Variants in KCNA10 observed in about 807,000 individuals in gnomAD.
KCNA10 encodes the protein cyclic GMP gated potassium channel.
In KCNA10, 16 loss-of-function variants were observed where a neutral mutation model predicts 21.4. That is an observed-to-expected ratio of 0.75 (90% CI 0.51 to 1.14). The LOEUF (loss-of-function observed/expected upper bound fraction) is 1.14. Among genes scored for constraint, KCNA10 ranks in the 50% most tolerant of loss-of-function variants. The pLI is 0.00. For synonymous variants in KCNA10, 276 were observed against 245.9 expected (o/e 1.12, Z -1.15); for missense variants, 677 against 649.1 (o/e 1.04, Z -0.47).
chr1:110,517,671 G>T lies in KCNA10; in HGVS notation c.1117C>A (p.Arg373=). 1 of 1,614,160 alleles carries T rather than the reference G, an allele frequency of 6.2e-7. No individual in the cohort carries two copies. The highest frequency in any genetic ancestry group is 8.5e-7 in the Non-Finnish European group (1 of 1,180,032). ...ILGQTLKASM[R]ELGLLIFFLF... is the part of the protein sequence containing the mutation. ...AAGAAGATGAGCAACCCCAACTCCC[G>T]CATGGACGCCTTCAGTGTTTGCCCG... is the stretch of plus-strand genomic sequence containing the variant. The change falls in exon 1 of 1, where the codon CGG becomes AGG. Residue 373 remains arginine, a synonymous_variant. Transcript: ENST00000369771.
Position 110,517,786 on chromosome 1 carries a change from G to T in KCNA10, c.1002C>A (p.Asn334Lys). ...VQETEPSAQQ[N>K]MSLAILRIIR... ...TGATCCTCAGGATGGCCAGGGACAT[G>T]TTCTGTTGGGCACTCGGCTCTGTCT... The change falls in exon 1 of 1, where the codon AAC becomes AAA. Residue 334 changes from asparagine (N) to lysine (K), a missense_variant. By Grantham distance (94) the Asn-to-Lys change is moderately conservative. Transcript: ENST00000369771. The T allele has an allele frequency of 1.2e-6, 2 of 1,614,170 alleles. No homozygotes were observed. The highest frequency in any genetic ancestry group is 1.7e-6 in the Non-Finnish European group (2 of 1,180,030).
At position 110,517,898 on chromosome 1, in the gene KCNA10, G is replaced by T; in HGVS notation, c.890C>A (p.Thr297Asn). Residue 297 changes from threonine to asparagine, a missense_variant, in exon 1 of 1, where the codon ACT becomes AAT. Physicochemically the swap from Thr to Asn is moderately conservative, Grantham distance 65. Coordinates refer to ENST00000369771, the MANE Select transcript of KCNA10 (RefSeq NM_005549.2). ...GTTCATGATGTTCCTGAAGAAGTCA[G>T]TCTTGCTGGGGCAGACCACGAACCG... ...VLRFVVCPSK[T>N]DFFRNIMNII... 6.2e-7 allele frequency: 1 copy of T among 1,614,032 alleles called. No homozygotes were observed. Among genetic ancestry groups the T allele is most frequent in the Non-Finnish European group, 8.5e-7 (1 of 1,180,028 alleles).
At position 110,518,516 on chromosome 1, in the gene KCNA10, T is replaced by A. The variant is rs371428121; in HGVS notation, c.272A>T (p.Asn91Ile). 11 of 1,614,102 alleles carry A rather than the reference T, an allele frequency of 6.8e-6. No individual in the cohort carries two copies. The highest frequency in any genetic ancestry group is 4.5e-5 in the East Asian group (2 of 44,896). ...GGTCTCAAATCTCAGCCCAGCAATG[T>A]TGATGATCACCCGCTGGTTTCCTTC... ...LNEGNQRVII[N>I]IAGLRFETQL... Residue 91 changes from asparagine to isoleucine, a missense_variant, in exon 1 of 1, where the codon AAC becomes ATC. By Grantham distance (149) the Asn-to-Ile change is moderately radical. Transcript: ENST00000369771.
Position 110,518,110 on chromosome 1 carries a change from C to T in KCNA10, c.678G>A (p.Val226=), listed in dbSNP as rs1647273871. The T allele has an allele frequency of 6.2e-7, 1 of 1,613,490 alleles. No individual in the cohort carries two copies. The highest frequency in any genetic ancestry group is 1.3e-5 in the African/African-American group (1 of 74,828). The change falls in exon 1 of 1, where the codon GTG becomes GTA. Residue 226 remains valine (V), a synonymous_variant. Transcript: ENST00000369771. ...RAVAVVSVLV[V]VISITIFCLE... is the part of the protein sequence containing the mutation. ...GGCAGAAGATGGTGATGGAGATGAC[C>T]ACAACCAACACCGAGACCACGGCCA...
chr1:110,518,064 G>A lies in KCNA10; in HGVS notation c.724C>T (p.Arg242Trp), dbSNP rs776640538. Residue 242 changes from arginine to tryptophan, a missense_variant, in exon 1 of 1, where the codon CGG (arginine) becomes TGG (tryptophan). By Grantham distance (101) the Arg-to-Trp change is moderately radical. Transcript: ENST00000369771. ...IFCLETLPEF[R>W]EDRELKVVRD... ...ACCACCTTTAGCTCCCTATCCTCCCGGAACTCTGGCAGTGTCTCCAGGCAG... is the reference window on the plus strand; with the variant it reads ...ACCACCTTTAGCTCCCTATCCTCCCAGAACTCTGGCAGTGTCTCCAGGCAG... 9.3e-6 allele frequency: 15 copies of A among 1,613,618 alleles called. No homozygotes were observed. Among genetic ancestry groups the A allele is most frequent in the Middle Eastern group, 1.6e-4 (1 of 6,082 alleles).
chr1:110,517,395 G>A lies in KCNA10; in HGVS notation c.1393C>T (p.His465Tyr). The change falls in exon 1 of 1, where the codon CAC becomes TAC. Residue 465 changes from histidine to tyrosine, a missense_variant. By Grantham distance (83) the His-to-Tyr change is moderately conservative. Transcript: ENST00000369771. Reference sequence around the variant, plus strand: ...TTTTCTTCATTCTCAGTCTCCCGGTGGTAGAAGTAATTGAAGTTGGAGACA... The same window carrying A: ...TTTTCTTCATTCTCAGTCTCCCGGTAGTAGAAGTAATTGAAGTTGGAGACA... Reference protein sequence around the residue: ...VIVSNFNYFYHRETENEEKQN... With the variant: ...VIVSNFNYFYYRETENEEKQN... 6.2e-7 allele frequency: 1 copy of A among 1,614,164 alleles called. No individual in the cohort carries two copies. Among genetic ancestry groups the A allele is most frequent in the Non-Finnish European group, 8.5e-7 (1 of 1,180,020 alleles).
At position 110,517,732 on chromosome 1, in the gene KCNA10, G is replaced by A; in HGVS notation, c.1056C>T (p.Phe352=). ...GCCCCTTGGAGTGGCGCGAGAGCTTGAAGATGCGGAAGACCCTCACCAGGC... is the reference window on the plus strand; with the variant it reads ...GCCCCTTGGAGTGGCGCGAGAGCTTAAAGATGCGGAAGACCCTCACCAGGC... ...IIRLVRVFRI[F]KLSRHSKGLQ... is the part of the protein sequence containing the mutation. The change falls in exon 1 of 1, where the codon TTC becomes TTT. Residue 352 remains phenylalanine, a synonymous_variant. Coordinates refer to ENST00000369771, the MANE Select transcript of KCNA10 (RefSeq NM_005549.2). 6.2e-7 allele frequency: 1 copy of A among 1,614,236 alleles called. No homozygotes were observed. The highest frequency in any genetic ancestry group is 8.5e-7 in the Non-Finnish European group (1 of 1,180,046).
rs1647250131 is a variant in KCNA10 at position 110,517,618 on chromosome 1, G to A, written c.1170C>T (p.Ser390=). ...FFLFIGVILF[S]SAVYFAEVDE... is the part of the protein sequence containing the mutation. ...CCACCTCAGCAAAGTAGACTGCACT[G>A]GAGAAGAGGATGACTCCAATGAAGA... Residue 390 remains serine (S), a synonymous_variant, in exon 1 of 1, where the codon TCC becomes TCT. Transcript: ENST00000369771. 1 of 1,614,174 alleles carries A rather than the reference G, an allele frequency of 6.2e-7. No homozygotes were observed. The highest frequency in any genetic ancestry group is 1.3e-5 in the African/African-American group (1 of 75,042).
In KCNA10 at chr1:110,518,374, A is replaced by C. The variant is rs780373581; in HGVS notation, c.414T>G (p.Phe138Leu). 1.2e-6 allele frequency: 2 copies of C among 1,614,258 alleles called. No homozygotes were observed. The highest frequency in any genetic ancestry group is 2.2e-5 in the South Asian group (2 of 91,088). Reference sequence around the variant, plus strand: ...ATTGGTAATAATATAGGATTCCATCAAAACTGGGCCGGTTCCGATCAAAGA... The same window carrying C: ...ATTGGTAATAATATAGGATTCCATCCAAACTGGGCCGGTTCCGATCAAAGA... The part of the protein sequence containing the change: ...EYFFDRNRPS[F>L]DGILYYYQSG... Residue 138 changes from phenylalanine to leucine, a missense_variant, in exon 1 of 1, where the codon TTT (phenylalanine) becomes TTG (leucine). Coordinates refer to ENST00000369771, the MANE Select transcript of KCNA10 (RefSeq NM_005549.2).
Position 110,517,590 on chromosome 1 carries a change from C to A in KCNA10, c.1198G>T (p.Glu400Ter). ...ATGCTAGAGAAATGGGACTCTGGCT[C>A]ATCCACCTCAGCAAAGTAGACTGCA... The part of the protein sequence containing the change: ...SSAVYFAEVD[E>*]PESHFSSIPD... The change falls in exon 1 of 1, where the codon GAG becomes TAG. Residue 400 changes from glutamate to a stop codon, truncating the protein, a stop_gained. Transcript: ENST00000369771. LOFTEE classifies it high-confidence loss of function. The A allele has an allele frequency of 6.2e-7, 1 of 1,614,194 alleles. No homozygotes were observed. Among genetic ancestry groups the A allele is most frequent in the South Asian group, 1.1e-5 (1 of 91,080 alleles).
Position 110,518,524 on chromosome 1 carries a change from C to A in KCNA10, c.264G>T (p.Val88=). 1 of 1,614,202 alleles carries A rather than the reference C, an allele frequency of 6.2e-7. No homozygotes were observed. Residue 88 remains valine, a synonymous_variant, in exon 1 of 1, where the codon GTG becomes GTT. Transcript: ENST00000369771. ...PVVLNEGNQR[V]IINIAGLRFE... is the part of the protein sequence containing the mutation. Reference sequence around the variant, plus strand: ...ATCTCAGCCCAGCAATGTTGATGATCACCCGCTGGTTTCCTTCATTTAGGA... The same window carrying A: ...ATCTCAGCCCAGCAATGTTGATGATAACCCGCTGGTTTCCTTCATTTAGGA...
rs1008344597 is a variant in KCNA10, at chr1:110,518,040, C to A, written c.748G>T (p.Val250Phe). Residue 250 changes from valine (V) to phenylalanine (F), a missense_variant, in exon 1 of 1, where the codon GTC becomes TTC. Transcript: ENST00000369771. ...CTCATGTTGAGATTGGGGTCTCTGA[C>A]CACCTTTAGCTCCCTATCCTCCCGG... ...EFREDRELKV[V>F]RDPNLNMSKT... 13 of 1,613,656 alleles carry A rather than the reference C, an allele frequency of 8.1e-6. No homozygotes were observed. The highest frequency in any genetic ancestry group is 1.3e-5 in the African/African-American group (1 of 74,776).
In KCNA10 at chr1:110,517,483, C is replaced by A. The variant is rs764850150; in HGVS notation, c.1305G>T (p.Lys435Asn). 1.9e-6 allele frequency: 3 copies of A among 1,614,184 alleles called. No homozygotes were observed. Among genetic ancestry groups the A allele is most frequent in the Non-Finnish European group, 2.5e-6 (3 of 1,180,026 alleles). The change falls in exon 1 of 1, where the codon AAG becomes AAT. Residue 435 changes from lysine to asparagine, a missense_variant. By Grantham distance (94) the Lys-to-Asn change is moderately conservative (BLOSUM62 0). Coordinates refer to ENST00000369771, the MANE Select transcript of KCNA10 (RefSeq NM_005549.2). ...GDMCPTTPGGKIVGTLCAIAG... is the reference protein window; with the variant it reads ...GDMCPTTPGGNIVGTLCAIAG... ...CAATGGCACACAGAGTGCCCACAATCTTCCCCCCTGGGGTGGTCGGGCACA... is the reference window on the plus strand; with the variant it reads ...CAATGGCACACAGAGTGCCCACAATATTCCCCCCTGGGGTGGTCGGGCACA...
chr1:110,518,667 G>T lies in KCNA10; in HGVS notation c.121C>A (p.Pro41Thr). The change falls in exon 1 of 1, where the codon CCT (proline) becomes ACT (threonine). Residue 41 changes from proline to threonine, a missense_variant. Transcript: ENST00000369771. Reference protein sequence around the residue: ...DFDSTSPKGRPGGSSFSNGKI... With the variant: ...DFDSTSPKGRTGGSSFSNGKI... ...CCGTTGGAGAAGGAGCTGCCCCCAGGCCGGCCTTTTGGGCTGGTTGAGTCG... is the reference window on the plus strand; with the variant it reads ...CCGTTGGAGAAGGAGCTGCCCCCAGTCCGGCCTTTTGGGCTGGTTGAGTCG... 1 of 1,614,206 alleles carries T rather than the reference G, an allele frequency of 6.2e-7. No individual in the cohort carries two copies. Among genetic ancestry groups the T allele is most frequent in the Non-Finnish European group, 8.5e-7 (1 of 1,180,044 alleles).
At position 110,517,638 on chromosome 1, in the gene KCNA10, T is replaced by C. The variant is rs763636135; in HGVS notation, c.1150A>G (p.Ile384Val). ...ELGLLIFFLF[I>V]GVILFSSAVY... ...GCACTGGAGAAGAGGATGACTCCAA[T>C]GAAGAGAAAGAAGATGAGCAACCCC... Residue 384 changes from isoleucine to valine, a missense_variant, in exon 1 of 1, where the codon ATT (isoleucine) becomes GTT (valine). Transcript: ENST00000369771. 1.5e-5 allele frequency: 25 copies of C among 1,613,956 alleles called. No homozygotes were observed. In the South Asian group the frequency reaches 2.2e-4, roughly 14 times the overall value.
At position 110,518,378 on chromosome 1, in the gene KCNA10, C is replaced by T; in HGVS notation, c.410G>A (p.Ser137Asn). The T allele has an allele frequency of 6.2e-7, 1 of 1,614,226 alleles. No homozygotes were observed. The highest frequency in any genetic ancestry group is 8.5e-7 in the Non-Finnish European group (1 of 1,180,046). The change falls in exon 1 of 1, where the codon AGT becomes AAT. Residue 137 changes from serine (S) to asparagine (N), a missense_variant. Coordinates refer to ENST00000369771, the MANE Select transcript of KCNA10 (RefSeq NM_005549.2). ...GTAATAATATAGGATTCCATCAAAA[C>T]TGGGCCGGTTCCGATCAAAGAAATA... ...NEYFFDRNRP[S>N]FDGILYYYQS...
rs1430297203 is a variant in KCNA10 at position 110,518,757 on chromosome 1, C to G, written c.31G>C (p.Val11Leu). Reference protein sequence around the residue: MDVCGWKEMEVALVNFDNSDE... With the variant: MDVCGWKEMELALVNFDNSDE... ...GAATTATCAAAATTGACCAGCGCAA[C>G]CTCCATTTCTTTCCAGCCACACACA... The change falls in exon 1 of 1, where the codon GTT (valine) becomes CTT (leucine). Residue 11 changes from valine (V) to leucine (L), a missense_variant. Coordinates refer to ENST00000369771, the MANE Select transcript of KCNA10 (RefSeq NM_005549.2). 10 of 1,591,900 alleles carry G rather than the reference C, an allele frequency of 6.3e-6. No homozygotes were observed. The South Asian group carries it at 9.0e-5, about 14-fold the overall frequency.
Position 110,517,582 on chromosome 1 carries a change from C to T in KCNA10, c.1206G>A (p.Glu402=), listed in dbSNP as rs755508667. 3 of 1,614,208 alleles carry T rather than the reference C, an allele frequency of 1.9e-6. No homozygotes were observed. Among genetic ancestry groups the T allele is most frequent in the Non-Finnish European group, 2.5e-6 (3 of 1,180,042 alleles). ...AVYFAEVDEP[E]SHFSSIPDGF... ...CATCAGGAATGCTAGAGAAATGGGACTCTGGCTCATCCACCTCAGCAAAGT... is the reference window on the plus strand; with the variant it reads ...CATCAGGAATGCTAGAGAAATGGGATTCTGGCTCATCCACCTCAGCAAAGT... The change falls in exon 1 of 1, where the codon GAG becomes GAA. Residue 402 remains glutamate, a synonymous_variant. Coordinates refer to ENST00000369771, the MANE Select transcript of KCNA10 (RefSeq NM_005549.2).
Position 110,517,645 on chromosome 1 carries a change from AAAG to A in KCNA10, c.1140_1142del (p.Phe381del), listed in dbSNP as rs1415826491. On this transcript the variant is annotated inframe_deletion, in exon 1 of 1. Transcript: ENST00000369771. ...AGAAGAGGATGACTCCAATGAAGAG[AAAG>A]AAGATGAGCAACCCCAACTCCCGCA... is the stretch of plus-strand genomic sequence containing the variant. 1 of 1,614,148 alleles carries A rather than the reference AAAG, an allele frequency of 6.2e-7. No homozygotes were observed. Among genetic ancestry groups the A allele is most frequent in the Non-Finnish European group, 8.5e-7 (1 of 1,180,028 alleles).
Sources: gnomAD v4.1 joint callset for allele counts on GRCh38, gnomAD v4.1.1 for gene constraint, MANE v1.5 for transcripts, NCBI Gene and HGNC (gene_info 2026-07-23, HGNC 2026-07-21) for gene names.